Variants in RARS2 observed in about 807,000 individuals in gnomAD.
RARS2 encodes the protein probable arginine--tRNA ligase, mitochondrial.
A neutral mutation model predicts 88.5 loss-of-function variants in RARS2; 67 were observed. That is an observed-to-expected ratio of 0.76 (90% CI 0.62 to 0.93). RARS2 has a LOEUF of 0.93. Among genes scored for constraint, RARS2 ranks in the 40% least tolerant of loss-of-function variants. The pLI is 0.00. For synonymous variants in RARS2, 239 were observed against 230.3 expected, an observed-to-expected ratio of 1.04 and a Z score of -0.34; for missense variants, 664 against 684.2, an observed-to-expected ratio of 0.97 and a Z score of 0.33.
intron 7 of RARS2, among the ~76,000 whole-genome samples, chr6:87,543,728 A>C (rs1781759497): frequency 6.6e-6 from 1 of 152,224 alleles, no homozygotes; most frequent in Admixed American, 6.5e-5. Flanking sequence ...TTTTCTATTC[A>C]AGGTTCAGTA....
At chr6:87,527,758 C>A (rs900655123) in intron 10 of RARS2, among the ~76,000 whole-genome samples, 1 of 151,658 alleles carries the variant, frequency 6.6e-6, no homozygotes, top group Non-Finnish European at 1.5e-5. Flanking sequence ...CAAAAAAAAA[C>A]CCAACTAAAA....
At position 87,567,916 on chromosome 6, in the gene RARS2, C is replaced by T. The variant is rs372543609; in HGVS notation, c.110+1601G>A. On this transcript the variant is annotated intron_variant, in intron 2 of 19. Coordinates refer to ENST00000369536, the MANE Select transcript of RARS2 (RefSeq NM_020320.5). Reference sequence around the variant, plus strand: ...CCTCCTGAGTAGCTGGGATTACAGGCGCATGCCACCATGCCTGGCTAATTT... The same window carrying T: ...CCTCCTGAGTAGCTGGGATTACAGGTGCATGCCACCATGCCTGGCTAATTT... Among the ~76,000 whole-genome samples, 92 of 152,276 alleles carry T rather than the reference C, an allele frequency of 6.0e-4. 4 individuals are homozygous for T. In the South Asian group the frequency reaches 0.018, roughly 29 times the overall value.
chr6:87,587,353 C>A (rs1775468322), intron 1 of RARS2, among the ~76,000 whole-genome samples: 1 of 152,102 alleles, frequency 6.6e-6, no homozygotes, highest in Admixed American at 6.5e-5. Flanking sequence ...CATGTTTTTT[C>A]TTTGCTCTTT....
chr6:87,589,852 C>T, intron 1 of RARS2, 70 bp downstream of exon 1: 1 of 1,613,948 alleles, frequency 6.2e-7, no homozygotes, highest in Middle Eastern at 1.7e-4. Context: ...GAGGACTGGC[C>T]CGCAGCGGTG....
rs370631859 is a variant in RARS2, at chr6:87,524,697, G to C, written c.879-45C>G. The C allele has an allele frequency of 2.1e-6, 3 of 1,403,556 alleles. No individual in the cohort carries two copies. In the East Asian group the frequency reaches 6.8e-5, roughly 32 times the overall value. 86.9% of individuals were successfully genotyped at this position (1,403,556 alleles called of 1,614,324 possible). A position where few individuals can be genotyped will look rare whatever the true frequency, so the allele number is the denominator to read the frequency against. On this transcript the variant is annotated intron_variant, in intron 10 of 19. Coordinates refer to ENST00000369536, the MANE Select transcript of RARS2 (RefSeq NM_020320.5). ...ACTCTGAAGCAACATAATAAATTCA[G>C]ACCTTTAAAATTTTAATATCTAAAA...
At position 87,518,654 on chromosome 6, in the gene RARS2, T is replaced by G; in HGVS notation, c.1391A>C (p.Gln464Pro). Residue 464 changes from glutamine (Q) to proline (P), a missense_variant, in exon 16 of 20, where the codon CAG becomes CCG. Coordinates refer to ENST00000369536, the MANE Select transcript of RARS2 (RefSeq NM_020320.5). ...QSRGDTGVFL[Q>P]YTHARLHSLE... is the part of the protein sequence containing the mutation. Reference sequence around the variant, plus strand: ...CCTGTGGAGGCGGGCGTGTGTGTACTGTAGGAAGACTCCTGTGTCCCCGCG... The same window carrying G: ...CCTGTGGAGGCGGGCGTGTGTGTACGGTAGGAAGACTCCTGTGTCCCCGCG... 1 of 1,613,744 alleles carries G rather than the reference T, an allele frequency of 6.2e-7. No homozygotes were observed. Among genetic ancestry groups the G allele is most frequent in the Non-Finnish European group, 8.5e-7 (1 of 1,179,784 alleles).
At chr6:87,533,101 CT>C (rs530339327) in intron 8 of RARS2, among the ~76,000 whole-genome samples, 5 of 148,526 alleles carry the variant, frequency 3.4e-5, no homozygotes, top group Admixed American at 6.7e-5. Context: ...AGTTTAGTTT[CT>C]TTTTTTTTTC....
chr6:87,548,912 A>T (rs1395569905), intron 5 of RARS2, among the ~76,000 whole-genome samples: 1 of 152,234 alleles, frequency 6.6e-6, no homozygotes, highest in Non-Finnish European at 1.5e-5. Context: ...CAGAAATCAA[A>T]ATTTAAAAAT....
chr6:87,542,737 T>C (rs1334883364), intron 7 of RARS2, among the ~76,000 whole-genome samples: 1 of 147,608 alleles, frequency 6.8e-6, no homozygotes, highest in Admixed American at 6.9e-5. Flanking sequence ...TCTGGGAGTA[T>C]GTAGACTCAA....
chr6:87,552,724 G>A (rs192271446), intron 5 of RARS2, among the ~76,000 whole-genome samples: 193 of 152,062 alleles, frequency 1.3e-3, no homozygotes, highest in African/African-American at 4.5e-3. Flanking sequence ...AGTATTTCTA[G>A]AGCTTAGCTG....
At chr6:87,525,698 C>T (rs1459796153) in intron 10 of RARS2, among the ~76,000 whole-genome samples, 2 of 151,962 alleles carry the variant, frequency 1.3e-5, no homozygotes, top group African/African-American at 4.8e-5. Context: ...AGGCGCGCGC[C>T]ACCACGTCCA....
intron 8 of RARS2, among the ~76,000 whole-genome samples, chr6:87,535,211 T>C (rs1185644259): frequency 1.3e-5 from 2 of 152,220 alleles, no homozygotes; most frequent in Non-Finnish European, 2.9e-5. Flanking sequence ...AAAACAATGA[T>C]GAAATCTTGA....
intron 1 of RARS2, among the ~76,000 whole-genome samples, chr6:87,574,357 G>C (rs993211295): frequency 2.6e-5 from 4 of 152,214 alleles, no homozygotes; most frequent in Admixed American, 2.0e-4. Flanking sequence ...ACCTACTAGA[G>C]AGAGAGACAA....
chr6:87,544,738 A>G (rs1043389485), intron 7 of RARS2, among the ~76,000 whole-genome samples: 2 of 152,182 alleles, frequency 1.3e-5, no homozygotes, highest in Admixed American at 6.5e-5. Context: ...TAAACTCATT[A>G]TATGAGAGAT....
intron 10 of RARS2, 104 bp downstream of exon 10, chr6:87,529,438 C>T: frequency 1.2e-6 from 1 of 810,388 alleles, no homozygotes; most frequent in South Asian, 1.4e-5. Context: ...TAAAAAATCC[C>T]AAGAAAGCTG....
intron 4 of RARS2, among the ~76,000 whole-genome samples, chr6:87,558,437 T>C (rs1194780945): frequency 1.3e-5 from 2 of 152,148 alleles, no homozygotes; most frequent in Non-Finnish European, 1.5e-5. Flanking sequence ...CTCCTAAATA[T>C]CATTACAGTT....
intron 2 of RARS2, among the ~76,000 whole-genome samples, chr6:87,568,141 C>T (rs1768492995): frequency 6.6e-6 from 1 of 152,168 alleles, no homozygotes; most frequent in Admixed American, 6.5e-5. Flanking sequence ...AAAGGAAATC[C>T]TATTCAAAAG....
chr6:87,520,260 G>C lies in RARS2; in HGVS notation c.1036-4C>G. Reference sequence around the variant, plus strand: ...GCTTTTTTTGTCCTTTATCTGTCTTGGGAAGAAAATATATATAAAATAAAA... The same window carrying C: ...GCTTTTTTTGTCCTTTATCTGTCTTCGGAAGAAAATATATATAAAATAAAA... On this transcript the variant is annotated splice_polypyrimidine_tract_variant and splice_region_variant and intron_variant, in intron 12 of 19. Coordinates refer to ENST00000369536, the MANE Select transcript of RARS2 (RefSeq NM_020320.5). 6.3e-7 allele frequency: 1 copy of C among 1,591,966 alleles called. No individual in the cohort carries two copies. The highest frequency in any genetic ancestry group is 8.6e-7 in the Non-Finnish European group (1 of 1,161,140).
At chr6:87,579,143 AGAG>A (rs573023808) in intron 1 of RARS2, among the ~76,000 whole-genome samples, 35 of 152,226 alleles carry the variant, frequency 2.3e-4, no homozygotes, top group African/African-American at 7.0e-4. Context: ...AAAATCTATC[AGAG>A]GAGAAGCTGG....
Sources: allele counts gnomAD v4.1 joint callset (sites outside exome capture counted in the v4.1 genomes callset), GRCh38; gene constraint gnomAD v4.1.1; transcripts MANE v1.5; gene names NCBI Gene and HGNC (gene_info 2026-07-23, HGNC 2026-07-21).